Variants in CA10 observed in about 807,000 individuals in gnomAD.
CA10 encodes the protein carbonic anhydrase-related protein 10.
A neutral mutation model predicts 44.2 loss-of-function variants in CA10; 14 were observed. The observed-to-expected ratio is 0.32, with a 90% CI of 0.21 to 0.50. The LOEUF is 0.50. CA10 is among the 20% of genes least tolerant of loss of function. The pLI is 0.99. For synonymous variants in CA10, 159 were observed against 141.6 expected (o/e 1.12, Z -0.87); for missense variants, 350 against 409.7 (o/e 0.85, Z 1.26).
intron 3 of CA10, among the ~76,000 whole-genome samples, chr17:51,771,386 C>T (rs568737218): frequency 1.8e-3 from 276 of 152,226 alleles, no homozygotes; most frequent in Non-Finnish European, 2.6e-3. Flanking sequence ...TGTCCAAAAT[C>T]ACAGAGCAAG....
chr17:51,947,549 T>C (rs1983330434), intron 2 of CA10, among the ~76,000 whole-genome samples: 1 of 152,198 alleles, frequency 6.6e-6, no homozygotes, highest in Non-Finnish European at 1.5e-5. Context: ...AATATGACAC[T>C]ATAATCTGAA....
intron 4 of CA10, among the ~76,000 whole-genome samples, chr17:51,669,122 G>A (rs538227355): frequency 1.4e-4 from 22 of 152,360 alleles, no homozygotes; most frequent in African/African-American, 5.3e-4. Flanking sequence ...CCCAAGGGCT[G>A]AGGAGTGCAG....
At chr17:51,924,064 T>C (rs1254862913) in intron 3 of CA10, among the ~76,000 whole-genome samples, 1 of 152,152 alleles carries the variant, frequency 6.6e-6, no homozygotes, top group Non-Finnish European at 1.5e-5. Flanking sequence ...AGGCCAAGGT[T>C]CAGATCCTAA....
chr17:51,870,926 G>T (rs1025729168), intron 3 of CA10, among the ~76,000 whole-genome samples: 1 of 151,682 alleles, frequency 6.6e-6, no homozygotes, highest in Non-Finnish European at 1.5e-5. Context: ...CTAAAAACAT[G>T]TTTTTAATAT....
chr17:51,955,333 T>C (rs1014777097), intron 2 of CA10, among the ~76,000 whole-genome samples: 4 of 152,108 alleles, frequency 2.6e-5, no homozygotes, highest in Non-Finnish European at 5.9e-5. Context: ...TCACCACCCA[T>C]AGAAACCTTG....
chr17:51,957,696 A>C (rs1983717879), intron 2 of CA10, among the ~76,000 whole-genome samples: 1 of 152,170 alleles, frequency 6.6e-6, no homozygotes, highest in Non-Finnish European at 1.5e-5. Flanking sequence ...AACTTAGTTC[A>C]AGAGAATAAA....
intron 1 of CA10, among the ~76,000 whole-genome samples, chr17:52,151,509 A>G (rs1238349088): frequency 6.6e-6 from 1 of 151,986 alleles, no homozygotes; most frequent in African/African-American, 2.4e-5. Flanking sequence ...ACACATTTCT[A>G]TTTTACAACA....
At chr17:51,782,309 C>A (rs1159203682) in intron 3 of CA10, among the ~76,000 whole-genome samples, 2 of 152,178 alleles carry the variant, frequency 1.3e-5, no homozygotes, top group Admixed American at 1.3e-4. Context: ...ATAACAGCTG[C>A]CTGAAAATCT....
intron 3 of CA10, among the ~76,000 whole-genome samples, chr17:51,908,402 C>T (rs1567880912): frequency 6.6e-6 from 1 of 152,150 alleles, no homozygotes; most frequent in South Asian, 2.1e-4. Flanking sequence ...AGTCAAATGA[C>T]ATAATTTTAA....
chr17:51,907,749 C>T (rs1365585048), intron 3 of CA10, among the ~76,000 whole-genome samples: 1 of 152,170 alleles, frequency 6.6e-6, no homozygotes, highest in Non-Finnish European at 1.5e-5. Flanking sequence ...AGTTTCAGAG[C>T]TTTCCACGAG....
At chr17:52,035,413 T>C (rs1055086934) in intron 2 of CA10, among the ~76,000 whole-genome samples, 2 of 152,150 alleles carry the variant, frequency 1.3e-5, no homozygotes, top group Non-Finnish European at 2.9e-5. Flanking sequence ...CAATAAAATC[T>C]CCTGCATTTA....
At chr17:52,070,336 C>CTTCTT (rs1567723212) in intron 2 of CA10, 1 of 152,126 alleles carries the variant, frequency 6.6e-6, no homozygotes, top group African/African-American at 2.4e-5. Context: ...TAATTGTCTC[C>CTTCTT]CTCAAGCAGA....
At chr17:51,831,716 A>T (rs1181897752) in intron 3 of CA10, among the ~76,000 whole-genome samples, 1 of 111,178 alleles carries the variant, frequency 9.0e-6, no homozygotes, top group African/African-American at 3.1e-5. Flanking sequence ...CAGCAGCAGC[A>T]GCAGCAGCAG....
chr17:51,753,533 G>A (rs1904965753), intron 3 of CA10, among the ~76,000 whole-genome samples: 1 of 152,116 alleles, frequency 6.6e-6, no homozygotes, highest in Non-Finnish European at 1.5e-5. Context: ...CATAAAGATG[G>A]CATCTTGGTT....
chr17:52,100,685 C>A (rs148866199), intron 1 of CA10, among the ~76,000 whole-genome samples: 79 of 152,244 alleles, frequency 5.2e-4, no homozygotes, highest in African/African-American at 1.8e-3. Context: ...CCATTGACAG[C>A]CTTCTCCCCA....
chr17:51,958,232 G>A (rs1033722922), intron 2 of CA10, among the ~76,000 whole-genome samples: 1 of 150,730 alleles, frequency 6.6e-6, no homozygotes, highest in Non-Finnish European at 1.5e-5. Context: ...TTCCATGTAA[G>A]TATGATTCTA....
At position 52,048,845 on chromosome 17, in the gene CA10, G is replaced by A. The variant is rs922906852; in HGVS notation, c.136+23474C>T. Among the ~76,000 whole-genome samples, 28 of 151,932 alleles carry A rather than the reference G, an allele frequency of 1.8e-4. 1 individual carries two copies. Among genetic ancestry groups the A allele is most frequent in the African/African-American group, 6.8e-4 (28 of 41,386 alleles). On this transcript the variant is annotated intron_variant, in intron 2 of 8. Transcript: ENST00000451037. ...TGGCTTTGGCTACCAGGAGAGATGTGTAGACATTACCCTACAAGAAATGGG... is the reference window on the plus strand; with the variant it reads ...TGGCTTTGGCTACCAGGAGAGATGTATAGACATTACCCTACAAGAAATGGG...
chr17:52,064,992 AT>A (rs1987494341), intron 2 of CA10, among the ~76,000 whole-genome samples: 1 of 152,174 alleles, frequency 6.6e-6, no homozygotes, highest in South Asian at 2.1e-4. Context: ...CTCCATCCAA[AT>A]ACTTTATGTG....
chr17:51,794,035 G>A (rs946083884), intron 3 of CA10, among the ~76,000 whole-genome samples: 2 of 152,174 alleles, frequency 1.3e-5, no homozygotes, highest in Non-Finnish European at 2.9e-5. Flanking sequence ...GTAGGTGTTC[G>A]GAAAAAAGCT....
Sources: allele counts gnomAD v4.1 joint callset (sites outside exome capture counted in the v4.1 genomes callset), GRCh38; gene constraint gnomAD v4.1.1; transcripts MANE v1.5; gene names NCBI Gene and HGNC (gene_info 2026-07-23, HGNC 2026-07-21).